The following PTK2 variants were observed in gnomAD, a reference collection of about 807,000 sequenced individuals.
PTK2 encodes protein tyrosine kinase 2, also known as focal adhesion kinase 1.
Under a neutral mutation model 150.1 loss-of-function variants are expected in PTK2, and 45 were observed. The observed-to-expected ratio is 0.30, with a 90% confidence interval of 0.24 to 0.38. The LOEUF (loss-of-function observed/expected upper bound fraction) is 0.38. Ranked by LOEUF, PTK2 falls within the 10% of genes least tolerant of loss-of-function variation. The probability of loss-of-function intolerance (pLI) is 1.00; values close to 1 mark genes in which losing one functional copy is unlikely to be tolerated. For synonymous variants in PTK2, 432 were observed against 449.2 expected (o/e 0.96, Z 0.48); for missense variants, 919 against 1,307.3 (o/e 0.70, Z 4.58).
At chr8:140,879,490 G>A (rs72683792) in exon 4 of PTK2, 2 of 1,611,950 alleles carry the variant, frequency 1.2e-6, no homozygotes, top group Non-Finnish European at 1.7e-6. Context: ...TCTGGTGGGT[G>A]AGCAAGCTCA....
At chr8:140,901,838 T>C (rs2100158602) in intron 2 of PTK2, among the ~76,000 whole-genome samples, 1 of 151,964 alleles carries the variant, frequency 6.6e-6, no homozygotes, top group Non-Finnish European at 1.5e-5. Flanking sequence ...CCCCGGTGTG[T>C]GATGTTCCCC....
At chr8:140,852,204 C>T (rs1774322874) in intron 5 of PTK2, among the ~76,000 whole-genome samples, 1 of 152,194 alleles carries the variant, frequency 6.6e-6, no homozygotes, top group African/African-American at 2.4e-5. Flanking sequence ...AGAAGACAGA[C>T]TTCTTATTTG....
At chr8:140,806,324 T>A (rs951303819) in intron 10 of PTK2, among the ~76,000 whole-genome samples, 8 of 152,208 alleles carry the variant, frequency 5.3e-5, no homozygotes, top group African/African-American at 1.9e-4. Context: ...AGGGCAAGAC[T>A]TGCTATAGTT....
At chr8:140,837,425 A>G (rs554500478) in intron 7 of PTK2, among the ~76,000 whole-genome samples, 33 of 152,346 alleles carry the variant, frequency 2.2e-4, no homozygotes, top group African/African-American at 7.7e-4. Context: ...TAGTACTAGT[A>G]TAACTCAAAA....
intron 7 of PTK2, among the ~76,000 whole-genome samples, chr8:140,838,970 C>T (rs2100120555): frequency 6.7e-6 from 1 of 150,018 alleles, no homozygotes. Flanking sequence ...CGCGCCACTG[C>T]ACTCCAGCCT....
intron 1 of PTK2, among the ~76,000 whole-genome samples, chr8:140,966,002 T>G (rs951869415): frequency 6.6e-5 from 10 of 152,146 alleles, no homozygotes; most frequent in African/African-American, 2.2e-4. Flanking sequence ...AAAGCTCCAG[T>G]TGGTTGCAGT....
chr8:140,716,091 C>T (rs2100039567), intron 23 of PTK2, among the ~76,000 whole-genome samples: 1 of 152,096 alleles, frequency 6.6e-6, no homozygotes, highest in African/African-American at 2.4e-5. Flanking sequence ...TCTTAACATC[C>T]CCACCCAAGA....
chr8:140,894,589 A>G (rs2100155418), intron 2 of PTK2, among the ~76,000 whole-genome samples: 1 of 152,240 alleles, frequency 6.6e-6, no homozygotes, highest in South Asian at 2.1e-4. Context: ...ATAATTGACT[A>G]AGTATGAATT....
At chr8:140,905,318 G>T (rs1277052999) in intron 2 of PTK2, among the ~76,000 whole-genome samples, 3 of 151,258 alleles carry the variant, frequency 2.0e-5, no homozygotes, top group South Asian at 2.1e-4. Flanking sequence ...CAAAATAAAG[G>T]GATGGAGGAA....
chr8:140,844,786 G>A (rs2100124346), intron 7 of PTK2, among the ~76,000 whole-genome samples: 1 of 151,926 alleles, frequency 6.6e-6, no homozygotes, highest in Non-Finnish European at 1.5e-5. Context: ...TAATGCTACT[G>A]GTATTTGTCA....
chr8:140,854,770 T>C (rs141792700), intron 5 of PTK2, among the ~76,000 whole-genome samples: 3 of 152,270 alleles, frequency 2.0e-5, no homozygotes, highest in African/African-American at 4.8e-5. Flanking sequence ...GTCTAACTAG[T>C]AATATAACGC....
exon 3 of PTK2, chr8:140,890,569 T>G (rs146209401): frequency 2.9e-4 from 463 of 1,614,136 alleles, no homozygotes; most frequent in Non-Finnish European, 3.8e-4. Flanking sequence ...TCTCCATGCC[T>G]GATAATACTG....
At chr8:140,917,836 A>G (rs1438189725) in intron 2 of PTK2, among the ~76,000 whole-genome samples, 1 of 152,248 alleles carries the variant, frequency 6.6e-6, no homozygotes, top group Non-Finnish European at 1.5e-5. Context: ...GTGCTATACA[A>G]GACCAGAAGA....
chr8:140,722,725 C>A (rs2100043672), intron 22 of PTK2, among the ~76,000 whole-genome samples: 1 of 152,124 alleles, frequency 6.6e-6, no homozygotes, highest in Non-Finnish European at 1.5e-5. Flanking sequence ...TATTGCCTCA[C>A]CCTTAAAATA....
At chr8:140,820,118 T>TA (rs1566993339) in intron 8 of PTK2, among the ~76,000 whole-genome samples, 2 of 56,898 alleles carry the variant, frequency 3.5e-5, no homozygotes, top group Non-Finnish European at 5.9e-5. Flanking sequence ...TTTTTTTTTT[T>TA]AAATAGGGTC....
chr8:140,892,753 AC>A, intron 2 of PTK2: 2 of 271,420 alleles, frequency 7.4e-6, no homozygotes, highest in Non-Finnish European at 1.4e-5. Context: ...AAAAGCTAAT[AC>A]CCTATATATA....
chr8:140,949,035 T>G (rs1356328447), intron 1 of PTK2, among the ~76,000 whole-genome samples: 1 of 151,432 alleles, frequency 6.6e-6, no homozygotes, highest in Admixed American at 6.6e-5. Context: ...CTCTTCTTCC[T>G]CCTCCTCCTC....
chr8:141,000,117 ACACACACACC>A (rs1394094570), intron 1 of PTK2, among the ~76,000 whole-genome samples: 24 of 150,308 alleles, frequency 1.6e-4, no homozygotes, highest in South Asian at 4.2e-4. Context: ...ACACACACAC[ACACACACACC>A]CCTTCTTCTA....
intron 2 of PTK2, among the ~76,000 whole-genome samples, chr8:140,895,531 A>AG (rs1482332363): frequency 6.6e-6 from 1 of 151,906 alleles, no homozygotes; most frequent in Non-Finnish European, 1.5e-5. Flanking sequence ...CCTTTAAAAA[A>AG]AAAAAAAAAT....
Sources: gnomAD v4.1 joint callset for allele counts (sites outside exome capture counted in the v4.1 genomes callset) on GRCh38, gnomAD v4.1.1 for gene constraint, MANE v1.5 for transcripts, NCBI Gene and HGNC (gene_info 2026-07-23, HGNC 2026-07-21) for gene names.